SLC6A15: variants seen among roughly 807,000 people sequenced by gnomAD.
The protein encoded by SLC6A15 is solute carrier family 6 member 15.
SLC6A15 carries 33 observed loss-of-function variants against 68.5 expected under a neutral mutation model. That is an observed-to-expected ratio of 0.48 (90% CI 0.37 to 0.64). The LOEUF (loss-of-function observed/expected upper bound fraction) is 0.64. SLC6A15 is among the 30% of genes least tolerant of loss of function. The probability of loss-of-function intolerance (pLI) is 0.00; values close to 1 mark genes in which losing one functional copy is unlikely to be tolerated. For synonymous variants in SLC6A15, 347 were observed against 301.0 expected (o/e 1.15, Z -1.58); for missense variants, 747 against 874.3 (o/e 0.85, Z 1.84).
At chr12:84,863,260 GTATT>G (rs1354528969) in intron 11 of SLC6A15, among the ~76,000 whole-genome samples, 175 bp downstream of exon 11, 1 of 149,294 alleles carries the variant, frequency 6.7e-6, no homozygotes, top group Non-Finnish European at 1.5e-5. Context: ...CATCCACAAT[GTATT>G]TAAAAAATCA....
rs1872433494 is a variant in SLC6A15 at position 84,892,143 on chromosome 12, A to ATTT, written c.-24_-23insAAA. On this transcript the variant is annotated 5_prime_UTR_variant, in exon 2 of 12. Transcript: ENST00000266682. ...CATTGGAGAGTATGCGAAGTATTTA[A>ATTT]AAAAAAAAAAAAAAACTCCCTTATG... 8.4e-7 allele frequency: 1 copy of ATTT among 1,186,266 alleles called. No homozygotes were observed. The highest frequency in any genetic ancestry group is 2.6e-5 in the African/African-American group (1 of 39,082). The allele number at this position is 1,186,266 out of a possible 1,614,324, so 73.5% of individuals were successfully genotyped here. A position where few individuals can be genotyped will look rare whatever the true frequency, so the allele number is the denominator to read the frequency against.
intron 2 of SLC6A15, among the ~76,000 whole-genome samples, chr12:84,890,870 TA>T (rs1191243729): frequency 6.6e-6 from 1 of 152,230 alleles, no homozygotes; most frequent in Non-Finnish European, 1.5e-5. Flanking sequence ...AAATATTCTT[TA>T]TATACTTTGT....
At chr12:84,901,496 C>A (rs1320020954) in intron 1 of SLC6A15, among the ~76,000 whole-genome samples, 1 of 151,660 alleles carries the variant, frequency 6.6e-6, no homozygotes, top group Non-Finnish European at 1.5e-5. Context: ...TTGTTTTTAT[C>A]TTGACCAGTC....
At chr12:84,910,729 C>T (rs1426419150) in intron 1 of SLC6A15, among the ~76,000 whole-genome samples, 1 of 152,110 alleles carries the variant, frequency 6.6e-6, no homozygotes, top group East Asian at 1.9e-4. Flanking sequence ...GAACAAGAGC[C>T]AGAACCGCCT....
chr12:84,874,969 A>T (rs183838187), intron 6 of SLC6A15, among the ~76,000 whole-genome samples: 14 of 152,316 alleles, frequency 9.2e-5, no homozygotes, highest in African/African-American at 3.1e-4. Context: ...GCTGAAGGAA[A>T]ACTAACATTT....
chr12:84,879,304 A>G (rs1244655437), intron 5 of SLC6A15, among the ~76,000 whole-genome samples: 1 of 150,016 alleles, frequency 6.7e-6, no homozygotes, highest in African/African-American at 2.5e-5. Context: ...TTTAATTGCA[A>G]TTGCTGACTC....
chr12:84,906,732 G>A (rs1379262492), intron 1 of SLC6A15, among the ~76,000 whole-genome samples: 3 of 152,002 alleles, frequency 2.0e-5, no homozygotes, highest in African/African-American at 4.8e-5. Flanking sequence ...ACATCCCTAG[G>A]CAAAAGTATA....
At chr12:84,890,092 G>A (rs1872319182) in intron 2 of SLC6A15, among the ~76,000 whole-genome samples, 1 of 152,128 alleles carries the variant, frequency 6.6e-6, no homozygotes, top group South Asian at 2.1e-4. Context: ...ACTGAATGGT[G>A]AGTACAATCT....
intron 10 of SLC6A15, among the ~76,000 whole-genome samples, chr12:84,864,630 C>T (rs975584996): frequency 2.0e-5 from 3 of 151,954 alleles, no homozygotes; most frequent in Non-Finnish European, 4.4e-5. Flanking sequence ...CAGTCTTAAT[C>T]TCTATGTTTC....
At chr12:84,896,584 G>C (rs891946767) in intron 1 of SLC6A15, among the ~76,000 whole-genome samples, 3 of 152,138 alleles carry the variant, frequency 2.0e-5, no homozygotes, top group African/African-American at 4.8e-5. Flanking sequence ...AATTTGTATG[G>C]CACTACTTCC....
intron 5 of SLC6A15, chr12:84,883,261 T>A (rs1229314807): frequency 1.0e-6 from 1 of 985,460 alleles, no homozygotes; most frequent in Non-Finnish European, 1.2e-6. Flanking sequence ...TCACTTAATG[T>A]CTTTTTAAAC....
Position 84,888,650 on chromosome 12 carries a change from A to G in SLC6A15, c.290-2582T>C, listed in dbSNP as rs182761376. On this transcript the variant is annotated intron_variant, in intron 2 of 11. Coordinates refer to ENST00000266682, the MANE Select transcript of SLC6A15 (RefSeq NM_182767.6). ...ATGGGGGATACGGTTAAAAAACTAC[A>G]TATTATGTACAATGTATGCTACTTG... 1.7e-3 allele frequency among the ~76,000 whole-genome samples: 257 copies of G among 152,244 alleles called. 1 individual carries two copies. Among genetic ancestry groups the G allele is most frequent in the African/African-American group, 6.0e-3 (249 of 41,562 alleles).
intron 1 of SLC6A15, among the ~76,000 whole-genome samples, chr12:84,899,315 T>C (rs1385197778): frequency 2.6e-5 from 4 of 151,938 alleles, no homozygotes; most frequent in Admixed American, 1.3e-4. Flanking sequence ...AAGGCATGCG[T>C]AGAAAGGAAA....
intron 1 of SLC6A15, among the ~76,000 whole-genome samples, chr12:84,905,989 T>G (rs371021299): frequency 6.6e-6 from 1 of 152,224 alleles, no homozygotes; most frequent in African/African-American, 2.4e-5. Flanking sequence ...AAGAATGTTA[T>G]ATGAATGTAA....
intron 1 of SLC6A15, among the ~76,000 whole-genome samples, chr12:84,898,432 A>G (rs1872722029): frequency 6.6e-6 from 1 of 152,184 alleles, no homozygotes; most frequent in South Asian, 2.1e-4. Context: ...TTCTTATTTG[A>G]TTGTAATGTG....
intron 8 of SLC6A15, among the ~76,000 whole-genome samples, chr12:84,871,843 C>T (rs1227243282): frequency 6.6e-6 from 1 of 152,024 alleles, no homozygotes; most frequent in Non-Finnish European, 1.5e-5. Context: ...TTATTTAATA[C>T]AACATAGCTA....
intron 8 of SLC6A15, among the ~76,000 whole-genome samples, chr12:84,872,111 C>T (rs1565721890): frequency 2.7e-5 from 4 of 150,730 alleles, no homozygotes; most frequent in Admixed American, 6.6e-5. Flanking sequence ...GAGCCAAGAT[C>T]GCACCACTGC....
At position 84,861,680 on chromosome 12, in the gene SLC6A15, C is replaced by T; in HGVS notation, c.2145G>A (p.Gly715=). 1 of 1,613,266 alleles carries T rather than the reference C, an allele frequency of 6.2e-7. No individual in the cohort carries two copies. Among genetic ancestry groups the T allele is most frequent in the Non-Finnish European group, 8.5e-7 (1 of 1,179,414 alleles). Reference sequence around the variant, plus strand: ...CTGGCATAATATCTGCCATCAAGTACCCTATTCCATACCGTCCATTGGGAG... The same window carrying T: ...CTGGCATAATATCTGCCATCAAGTATCCTATTCCATACCGTCCATTGGGAG... The part of the protein sequence containing the change: ...DTAPNGRYGI[G]YLMADIMPDM... The change falls in exon 12 of 12, where the codon GGG becomes GGA. Residue 715 remains glycine, a synonymous_variant. Coordinates refer to ENST00000266682, the MANE Select transcript of SLC6A15 (RefSeq NM_182767.6).
chr12:84,884,340 C>T (rs1043503698), intron 4 of SLC6A15, among the ~76,000 whole-genome samples: 1 of 151,952 alleles, frequency 6.6e-6, no homozygotes, highest in African/African-American at 2.4e-5. Flanking sequence ...GAGTTTTGCT[C>T]TGTCGCCCAG....
Sources: allele counts gnomAD v4.1 joint callset (sites outside exome capture counted in the v4.1 genomes callset), GRCh38; gene constraint gnomAD v4.1.1; transcripts MANE v1.5; gene names NCBI Gene and HGNC (gene_info 2026-07-23, HGNC 2026-07-21).